The following FBLN2 variants were observed in gnomAD, a reference collection of about 807,000 sequenced individuals.
The protein encoded by FBLN2 is fibulin-2.
In FBLN2, 81 loss-of-function variants were observed where a neutral mutation model predicts 123.7. The ratio of observed to expected loss-of-function variants is 0.65; its 90% confidence interval spans 0.55 to 0.79. The LOEUF (loss-of-function observed/expected upper bound fraction) is 0.79, where lower values mean the gene tolerates loss of function less well. Ranked by LOEUF, FBLN2 falls within the 30% of genes least tolerant of loss-of-function variation. The probability of loss-of-function intolerance (pLI) is 0.00; values close to 1 mark genes in which losing one functional copy is unlikely to be tolerated. For missense variants in FBLN2, 1,603 were observed against 1,681.3 expected, an observed-to-expected ratio of 0.95 and a Z score of 0.81; for synonymous variants, 699 against 701.4, an observed-to-expected ratio of 1.00 and a Z score of 0.05.
intron 2 of FBLN2, among the ~76,000 whole-genome samples, chr3:13,599,762 A>G (rs1165136584): frequency 6.6e-6 from 1 of 151,558 alleles, no homozygotes; most frequent in Admixed American, 6.6e-5. Context: ...TTGACACAGG[A>G]AGACCCAGGG....
intron 16 of FBLN2, among the ~76,000 whole-genome samples, chr3:13,633,307 C>T (rs183842792): frequency 3.3e-5 from 5 of 152,276 alleles, no homozygotes; most frequent in African/African-American, 9.6e-5. Flanking sequence ...TCTGCCCCGA[C>T]GACTTGCTCT....
At chr3:13,595,188 C>G (rs1198098705) in intron 2 of FBLN2, among the ~76,000 whole-genome samples, 1 of 152,178 alleles carries the variant, frequency 6.6e-6, no homozygotes, top group Non-Finnish European at 1.5e-5. Flanking sequence ...GTTGGCTGGA[C>G]TGGCCAGGCT....
intron 1 of FBLN2, among the ~76,000 whole-genome samples, chr3:13,553,566 C>T (rs568155011): frequency 6.6e-6 from 1 of 152,238 alleles, no homozygotes; most frequent in South Asian, 2.1e-4. Context: ...TGGGTCAAGC[C>T]GTGCGTCATT....
At chr3:13,571,697 TGTGGGAAGG>T (rs1272138396) in intron 2 of FBLN2, 36 bp downstream of exon 2, 2 of 1,498,942 alleles carry the variant, frequency 1.3e-6, no homozygotes, top group Non-Finnish European at 1.8e-6. Context: ...GGGCACTTTG[TGTGGGAAGG>T]GCAGCCTTGG....
At position 13,621,934 on chromosome 3, in the gene FBLN2, T is replaced by C. The variant is rs766042131; in HGVS notation, c.2296+19T>C. 4 of 1,605,668 alleles carry C rather than the reference T, an allele frequency of 2.5e-6. No individual in the cohort carries two copies. In the South Asian group the frequency reaches 3.3e-5, roughly 13 times the overall value. Reference sequence around the variant, plus strand: ...TGCGTGGGTAAGCCAGGGCCCCGCCTGCCGCCCGCCGTCACAGCTCTCCGC... The same window carrying C: ...TGCGTGGGTAAGCCAGGGCCCCGCCCGCCGCCCGCCGTCACAGCTCTCCGC... On this transcript the variant is annotated intron_variant, in intron 9 of 17. Transcript: ENST00000404922.
intron 1 of FBLN2, chr3:13,568,726 C>T (rs1703824877): frequency 1.0e-6 from 1 of 978,822 alleles, no homozygotes; most frequent in Non-Finnish European, 1.2e-6. Flanking sequence ...GCCACGTCCT[C>T]CTTCCGTCTC....
chr3:13,598,386 G>A lies in FBLN2; in HGVS notation c.1307-9676G>A, dbSNP rs1386231404. Among the ~76,000 whole-genome samples the A allele has an allele frequency of 3.3e-5, 5 of 152,230 alleles. No individual in the cohort carries two copies. In the East Asian group the frequency reaches 9.6e-4, roughly 29 times the overall value. On this transcript the variant is annotated intron_variant, in intron 2 of 17. Transcript: ENST00000404922. ...CTCGCCCAAGTGCCCCAGCCAGTGA[G>A]TGGTAGCCCAACCACACACCTGTGC...
At chr3:13,597,848 C>A (rs967100961) in intron 2 of FBLN2, among the ~76,000 whole-genome samples, 18 of 152,196 alleles carry the variant, frequency 1.2e-4, no homozygotes, top group African/African-American at 4.3e-4. Context: ...TGAAGTCAAC[C>A]GTGGCAGTGT....
At chr3:13,629,142 G>T (rs1265105514) in intron 12 of FBLN2, 22 bp from the exon 13 acceptor site, 2 of 1,612,668 alleles carry the variant, frequency 1.2e-6, no homozygotes, top group Non-Finnish European at 1.7e-6. Context: ...AGGCCTCAAG[G>T]TACCCTGCTC....
At chr3:13,626,147 G>T (rs1424704410) in intron 9 of FBLN2, among the ~76,000 whole-genome samples, 2 of 152,184 alleles carry the variant, frequency 1.3e-5, no homozygotes, top group East Asian at 1.9e-4. Flanking sequence ...GTTTGTTTAT[G>T]TATTTATTGT....
At chr3:13,570,197 G>C (rs149348137) in intron 1 of FBLN2, 118 bp from the exon 2 acceptor site, 1 of 1,093,366 alleles carries the variant, frequency 9.1e-7, no homozygotes, top group Non-Finnish European at 1.3e-6. Flanking sequence ...TGCTCCTGGG[G>C]ATGAGCGCAT....
chr3:13,583,341 G>C (rs965342126), intron 2 of FBLN2, among the ~76,000 whole-genome samples: 11 of 152,272 alleles, frequency 7.2e-5, no homozygotes, highest in African/African-American at 9.6e-5. Flanking sequence ...TAGACGAGGT[G>C]ACTGAGGCCC....
intron 2 of FBLN2, among the ~76,000 whole-genome samples, chr3:13,602,826 C>G (rs985507423): frequency 1.3e-5 from 2 of 151,634 alleles, no homozygotes; most frequent in African/African-American, 4.8e-5. Flanking sequence ...CTTGGATTGT[C>G]TAGGAAGATG....
intron 4 of FBLN2, 50 bp downstream of exon 4, chr3:13,609,692 G>GGGGGGA: frequency 2.0e-6 from 1 of 508,394 alleles, no homozygotes; most frequent in Non-Finnish European, 3.8e-6. Context: ...GGCGGGGCGG[G>GGGGGGA]AGGCTGGCCT....
intron 15 of FBLN2, 104 bp downstream of exon 15, chr3:13,630,919 A>C: frequency 1.1e-6 from 1 of 887,252 alleles, no homozygotes; most frequent in African/African-American, 1.7e-5. Flanking sequence ...GAAAGGTTTT[A>C]GCATCAGATC....
At chr3:13,596,044 A>C (rs958236986) in intron 2 of FBLN2, among the ~76,000 whole-genome samples, 1 of 152,222 alleles carries the variant, frequency 6.6e-6, no homozygotes, top group Middle Eastern at 3.2e-3. Flanking sequence ...TTGACCCTTA[A>C]AAAATTCTTC....
chr3:13,565,135 C>T (rs529784891), intron 1 of FBLN2, among the ~76,000 whole-genome samples: 15 of 152,324 alleles, frequency 9.8e-5, no homozygotes, highest in Admixed American at 2.0e-4. Flanking sequence ...AATGTCTCTC[C>T]GCCCCCACAT....
intron 1 of FBLN2, among the ~76,000 whole-genome samples, chr3:13,563,336 C>T (rs908685108): frequency 6.6e-6 from 1 of 152,258 alleles, no homozygotes; most frequent in African/African-American, 2.4e-5. Flanking sequence ...TGATGGCTCA[C>T]ACCTGTGCCT....
intron 5 of FBLN2, among the ~76,000 whole-genome samples, chr3:13,614,601 T>TCCATCCAC (rs1341743598): frequency 4.6e-5 from 5 of 108,776 alleles, no homozygotes; most frequent in Non-Finnish European, 9.4e-5. Flanking sequence ...CATCCATCCA[T>TCCATCCAC]CCATCCACCC....
Sources: allele counts gnomAD v4.1 joint callset (sites outside exome capture counted in the v4.1 genomes callset), GRCh38; gene constraint gnomAD v4.1.1; transcripts MANE v1.5; gene names NCBI Gene and HGNC (gene_info 2026-07-23, HGNC 2026-07-21).